Variants in HERC4 observed in about 807,000 individuals in gnomAD.
The protein encoded by HERC4 is probable E3 ubiquitin-protein ligase HERC4.
A neutral mutation model predicts 124.3 loss-of-function variants in HERC4; 28 were observed. The observed-to-expected ratio is 0.23, with a 90% CI of 0.17 to 0.31. The LOEUF (loss-of-function observed/expected upper bound fraction) is 0.31. HERC4 is among the 10% of genes least tolerant of loss of function. HERC4 has a pLI of 1.00. For missense variants in HERC4, 713 were observed against 1,229.3 expected (o/e 0.58, Z 6.28); for synonymous variants, 407 against 421.5 (o/e 0.97, Z 0.42).
chr10:68,068,486 CA>C (rs34779824), intron 3 of HERC4: 27,535 of 71,310 alleles, frequency 0.39, 3,169 homozygotes, highest in East Asian at 0.69. Flanking sequence ...GACTCCGTTT[CA>C]AAAAAAAAAA....
intron 5 of HERC4, among the ~76,000 whole-genome samples, chr10:68,034,687 C>A (rs1295566913): frequency 6.6e-6 from 1 of 152,094 alleles, no homozygotes; most frequent in East Asian, 1.9e-4. Flanking sequence ...TTAGGATGCC[C>A]CAGACTGAAT....
At chr10:67,998,071 GTA>G (rs1021075139) in intron 9 of HERC4, among the ~76,000 whole-genome samples, 2 of 151,660 alleles carry the variant, frequency 1.3e-5, no homozygotes, top group African/African-American at 4.8e-5. Flanking sequence ...GCTAATTTTT[GTA>G]TTTTTAGTAG....
chr10:67,991,811 A>G (rs932650363), intron 11 of HERC4, among the ~76,000 whole-genome samples: 2 of 152,228 alleles, frequency 1.3e-5, no homozygotes, highest in African/African-American at 2.4e-5. Flanking sequence ...GGCTACATTA[A>G]ATATTTTATG....
chr10:67,994,218 C>CT (rs950392237), intron 9 of HERC4: 3 of 152,096 alleles, frequency 2.0e-5, no homozygotes, highest in African/African-American at 4.8e-5. Flanking sequence ...AACCTAAAAT[C>CT]TTTTTTCTAA....
chr10:67,987,205 T>C (rs1384693544), intron 15 of HERC4, among the ~76,000 whole-genome samples: 1 of 152,190 alleles, frequency 6.6e-6, no homozygotes, highest in Non-Finnish European at 1.5e-5. Context: ...GTTACTGAGC[T>C]AGGCAGGTAA....
chr10:67,984,013 C>T (rs2036106845), intron 15 of HERC4, among the ~76,000 whole-genome samples: 1 of 151,772 alleles, frequency 6.6e-6, no homozygotes, highest in Non-Finnish European at 1.5e-5. Context: ...CAATGAAGTA[C>T]TATTCTGGCC....
At chr10:68,009,623 G>C (rs1248023326) in intron 9 of HERC4, among the ~76,000 whole-genome samples, 5 of 152,068 alleles carry the variant, frequency 3.3e-5, no homozygotes, top group Non-Finnish European at 7.4e-5. Context: ...TGAAGGCTGG[G>C]GTAGCTGTGG....
At chr10:68,056,453 T>C (rs1460376240) in intron 3 of HERC4, among the ~76,000 whole-genome samples, 1 of 152,168 alleles carries the variant, frequency 6.6e-6, no homozygotes, top group East Asian at 1.9e-4. Context: ...ATCCAGGAGA[T>C]GACATGGTAG....
chr10:68,004,259 G>A (rs1159570450), intron 9 of HERC4, among the ~76,000 whole-genome samples: 1 of 152,242 alleles, frequency 6.6e-6, no homozygotes, highest in African/African-American at 2.4e-5. Context: ...CAACAACTGA[G>A]TTGAAACAAC....
At chr10:68,037,750 T>C (rs2039552529) in intron 5 of HERC4, among the ~76,000 whole-genome samples, 1 of 152,168 alleles carries the variant, frequency 6.6e-6, no homozygotes, top group African/African-American at 2.4e-5. Flanking sequence ...GTATAAGACC[T>C]GTCCAGGGAA....
At chr10:68,021,812 T>C (rs2038642782) in intron 8 of HERC4, among the ~76,000 whole-genome samples, 1 of 150,210 alleles carries the variant, frequency 6.7e-6, no homozygotes, top group South Asian at 2.1e-4. Context: ...CCACCTCAAA[T>C]AAATAAATAA....
intron 9 of HERC4, chr10:68,010,430 T>C (rs752252958): frequency 6.7e-5 from 63 of 940,516 alleles, no homozygotes; most frequent in Non-Finnish European, 8.5e-5. Context: ...AATCACTGCT[T>C]GATTGCTTGC....
At chr10:68,011,963 C>T (rs756504642) in intron 9 of HERC4, among the ~76,000 whole-genome samples, 1 of 152,256 alleles carries the variant, frequency 6.6e-6, no homozygotes, top group Non-Finnish European at 1.5e-5. Context: ...CTCAGCTAGA[C>T]ATGCTAGACA....
At chr10:68,060,794 A>C (rs76453667) in intron 3 of HERC4, among the ~76,000 whole-genome samples, 1 of 152,164 alleles carries the variant, frequency 6.6e-6, no homozygotes, top group Non-Finnish European at 1.5e-5. Context: ...TAGAGAGCCT[A>C]GTTATGAAAT....
chr10:67,929,647 T>G (rs551115664), intron 23 of HERC4, among the ~76,000 whole-genome samples: 2 of 152,128 alleles, frequency 1.3e-5, no homozygotes, highest in African/African-American at 4.8e-5. Context: ...CCCGAGTAGC[T>G]GGGACTACTG....
intron 8 of HERC4, among the ~76,000 whole-genome samples, chr10:68,019,457 T>A (rs1195451061): frequency 6.6e-6 from 1 of 152,056 alleles, no homozygotes; most frequent in Admixed American, 6.6e-5. Context: ...ATACAACAGC[T>A]TATGGCAACA....
Position 68,059,488 on chromosome 10 carries a change from T to TTATA in HERC4, c.226+13391_226+13394dup, listed in dbSNP as rs1554830099. 2.5e-5 allele frequency among the ~76,000 whole-genome samples: 3 copies of TTATA among 121,542 alleles called. No individual in the cohort carries two copies. In the East Asian group the frequency reaches 7.0e-4, roughly 28 times the overall value. The allele number at this position is 121,542 out of a possible 152,430, so 79.7% of individuals were successfully genotyped here. On this transcript the variant is annotated intron_variant, in intron 3 of 24. Transcript: ENST00000373700. ...ATATTATATATTATAATATTATATA[T>TTATA]TATAACATTATATATTATAATATTA... is the stretch of plus-strand genomic sequence containing the variant.
intron 9 of HERC4, among the ~76,000 whole-genome samples, chr10:68,006,268 T>C (rs546673018): frequency 6.6e-6 from 1 of 152,316 alleles, no homozygotes; most frequent in Admixed American, 6.5e-5. Context: ...TGATTTGTTA[T>C]TGTTCATTAA....
At position 67,988,639 on chromosome 10, in the gene HERC4, A is replaced by C. The variant is rs772932461; in HGVS notation, c.1806+24T>G. On this transcript the variant is annotated intron_variant, in intron 15 of 24. Transcript: ENST00000373700. ...TGTTAATAGGAATGGGGAAAGAGGA[A>C]AATAAAGGAATGATTGGACATACCC... 6.4e-6 allele frequency: 9 copies of C among 1,401,922 alleles called. No individual in the cohort carries two copies. The South Asian group carries it at 1.2e-4, about 19-fold the overall frequency. 86.8% of individuals were successfully genotyped at this position (1,401,922 alleles called of 1,614,324 possible).
Sources: gnomAD v4.1 joint callset for allele counts (sites outside exome capture counted in the v4.1 genomes callset) on GRCh38, gnomAD v4.1.1 for gene constraint, MANE v1.5 for transcripts, NCBI Gene and HGNC (gene_info 2026-07-23, HGNC 2026-07-21) for gene names.